The following ZFHX3 variants were observed in gnomAD, a reference collection of about 807,000 sequenced individuals.
ZFHX3 encodes zinc finger homeobox protein 3.
Under a neutral mutation model 279.1 loss-of-function variants are expected in ZFHX3, and 42 were observed. That is an observed-to-expected ratio of 0.15 (90% CI 0.12 to 0.19). The LOEUF is 0.19. Ranked by LOEUF, ZFHX3 falls within the 10% of genes least tolerant of loss-of-function variation. The pLI, the probability that ZFHX3 is intolerant of heterozygous loss-of-function variation, is 1.00. For synonymous variants in ZFHX3, 2,293 were observed against 1,957.8 expected (o/e 1.17, Z -4.52); for missense variants, 4,981 against 4,754.0 (o/e 1.05, Z -1.40).
intron 5 of ZFHX3, among the ~76,000 whole-genome samples, chr16:72,824,173 T>G (rs1028107562): frequency 7.2e-5 from 11 of 152,186 alleles, no homozygotes. Context: ...ATTATTCATA[T>G]GCAGCAGGAG....
chr16:73,508,614 C>T (rs1213451947), intron 2 of ZFHX3, among the ~76,000 whole-genome samples: 10 of 152,182 alleles, frequency 6.6e-5, no homozygotes, highest in Admixed American at 2.6e-4. Flanking sequence ...GAACTTTGGA[C>T]AACTCTGAAT....
chr16:73,735,687 A>G (rs1460581593), intron 1 of ZFHX3, among the ~76,000 whole-genome samples: 1 of 152,102 alleles, frequency 6.6e-6, no homozygotes, highest in Non-Finnish European at 1.5e-5. Flanking sequence ...CCTTTCTCCC[A>G]AGTGTGATGT....
intron 1 of ZFHX3, among the ~76,000 whole-genome samples, chr16:73,885,535 T>G (rs1019423320): frequency 6.6e-6 from 1 of 152,144 alleles, no homozygotes. Flanking sequence ...AGTGTGATGA[T>G]CTACTTCTTT....
chr16:73,357,224 C>G (rs1361093278), intron 3 of ZFHX3, among the ~76,000 whole-genome samples: 1 of 151,912 alleles, frequency 6.6e-6, no homozygotes, highest in African/African-American at 2.4e-5. Context: ...CCCCCCACCA[C>G]AAAACCCCAG....
At chr16:73,686,105 T>C (rs1378348418) in intron 1 of ZFHX3, among the ~76,000 whole-genome samples, 1 of 152,182 alleles carries the variant, frequency 6.6e-6, no homozygotes, top group Non-Finnish European at 1.5e-5. Context: ...TATTTATTTA[T>C]TTATTTATTT....
intron 1 of ZFHX3, among the ~76,000 whole-genome samples, chr16:73,877,201 T>TGG (rs112129642): frequency 0.11 from 11,894 of 105,242 alleles, 1,190 homozygotes; most frequent in African/African-American, 0.27. Context: ...GGGGGTTAGG[T>TGG]CGGGGGGGGG....
intron 7 of ZFHX3, among the ~76,000 whole-genome samples, chr16:73,116,240 C>T (rs941504987): frequency 1.5e-4 from 23 of 152,054 alleles, no homozygotes; most frequent in Non-Finnish European, 1.3e-4. Flanking sequence ...ATGAAATCCA[C>T]GTACTCCAGA....
chr16:73,719,133 TTG>T (rs773913513), intron 1 of ZFHX3, among the ~76,000 whole-genome samples: 1 of 152,206 alleles, frequency 6.6e-6, no homozygotes, highest in Non-Finnish European at 1.5e-5. Flanking sequence ...CTTGGTCACT[TTG>T]AACTTTCACT....
At chr16:73,645,687 G>A (rs545617038) in intron 2 of ZFHX3, among the ~76,000 whole-genome samples, 2 of 152,120 alleles carry the variant, frequency 1.3e-5, no homozygotes, top group Non-Finnish European at 2.9e-5. Flanking sequence ...TATTAATAAT[G>A]CTTTGAGAAC....
chr16:73,352,455 T>C (rs928238981), intron 3 of ZFHX3, among the ~76,000 whole-genome samples: 1 of 138,826 alleles, frequency 7.2e-6, no homozygotes, highest in African/African-American at 3.0e-5. Flanking sequence ...AAGCCTTTGG[T>C]TTCTCTCTCT....
chr16:73,670,483 G>T (rs2052893732), intron 2 of ZFHX3, among the ~76,000 whole-genome samples: 1 of 152,144 alleles, frequency 6.6e-6, no homozygotes, highest in African/African-American at 2.4e-5. Flanking sequence ...TAGAAGAAAA[G>T]TCATCAATCG....
Position 73,670,614 on chromosome 16 carries a change from G to T in ZFHX3, c.-1547+9566C>A, listed in dbSNP as rs2052895376. ...GTAGAGCAAAGACCATTATTTGACT[G>T]CAGGAAAAAACAATAGGGAAAACGT... On this transcript the variant is annotated intron_variant, in intron 2 of 17. Transcript: ENST00000641206. 2.6e-5 allele frequency among the ~76,000 whole-genome samples: 4 copies of T among 152,102 alleles called. No homozygotes were observed. In the South Asian group the frequency reaches 8.3e-4, roughly 32 times the overall value.
chr16:73,769,514 G>C (rs1361825915), intron 1 of ZFHX3, among the ~76,000 whole-genome samples: 7 of 152,042 alleles, frequency 4.6e-5, no homozygotes. Context: ...AATTTTAATA[G>C]GAATGAGCAT....
At chr16:73,649,420 C>G (rs1021052) in intron 2 of ZFHX3, among the ~76,000 whole-genome samples, 84,010 of 151,992 alleles carry the variant, frequency 0.55, 25,920 homozygotes, top group East Asian at 0.83. Flanking sequence ...TGGCATGATT[C>G]CCTTTCAGAA....
chr16:73,646,530 A>T (rs1286282119), intron 2 of ZFHX3, among the ~76,000 whole-genome samples: 1 of 152,192 alleles, frequency 6.6e-6, no homozygotes, highest in East Asian at 1.9e-4. Context: ...AATTTGATAA[A>T]ATAGATGAAA....
At chr16:73,403,637 C>T (rs983464694) in intron 3 of ZFHX3, among the ~76,000 whole-genome samples, 36 of 152,176 alleles carry the variant, frequency 2.4e-4, no homozygotes, top group African/African-American at 8.2e-4. Flanking sequence ...TGGAGTTGAA[C>T]AATAGGAAAA....
At chr16:73,526,318 C>T (rs2019694649) in intron 2 of ZFHX3, among the ~76,000 whole-genome samples, 2 of 152,194 alleles carry the variant, frequency 1.3e-5, no homozygotes, top group African/African-American at 4.8e-5. Flanking sequence ...CCAGTGCGCT[C>T]TAGCAAGGCC....
At chr16:72,826,391 A>G (rs901373263) in intron 5 of ZFHX3, among the ~76,000 whole-genome samples, 7 of 152,168 alleles carry the variant, frequency 4.6e-5, no homozygotes, top group African/African-American at 1.7e-4. Context: ...AATCAACATA[A>G]CAGATTGTGA....
At chr16:73,842,908 T>C (rs1961350271) in intron 1 of ZFHX3, among the ~76,000 whole-genome samples, 1 of 152,194 alleles carries the variant, frequency 6.6e-6, no homozygotes, top group African/African-American at 2.4e-5. Flanking sequence ...AATTACCTCT[T>C]TTCTAACACT....
Sources: allele counts gnomAD v4.1 joint callset (sites outside exome capture counted in the v4.1 genomes callset), GRCh38; gene constraint gnomAD v4.1.1; transcripts MANE v1.5; gene names NCBI Gene and HGNC (gene_info 2026-07-23, HGNC 2026-07-21).